ARFGEF3: variants seen among roughly 807,000 people sequenced by gnomAD.
ARFGEF3 encodes the protein brefeldin A-inhibited guanine nucleotide-exchange protein 3.
ARFGEF3 carries 96 observed loss-of-function variants against 221.7 expected under a neutral mutation model. The ratio of observed to expected loss-of-function variants is 0.43; its 90% CI spans 0.37 to 0.51. ARFGEF3 has a LOEUF of 0.51. ARFGEF3 is among the 20% of genes least tolerant of loss of function. The pLI is 0.00. For missense variants in ARFGEF3, 2,410 were observed against 2,789.9 expected, an observed-to-expected ratio of 0.86 and a Z score of 3.07; for synonymous variants, 1,145 against 1,126.8, an observed-to-expected ratio of 1.02 and a Z score of -0.32.
rs1263142764 is a variant in ARFGEF3, at chr6:138,292,057, C to T, written c.3368+4C>T. On this transcript the variant is annotated splice_donor_region_variant and intron_variant, in intron 19 of 33. Coordinates refer to ENST00000251691, the MANE Select transcript of ARFGEF3 (RefSeq NM_020340.5). ...CCCTCTCCACGCAAGCCGACAGGTG[C>T]GCGGCGCCGGCCTCCCACGCCCCGG... The T allele has an allele frequency of 2.1e-6, 3 of 1,417,046 alleles. No individual in the cohort carries two copies. Among genetic ancestry groups the T allele is most frequent in the Non-Finnish European group, 2.8e-6 (3 of 1,088,146 alleles). The allele number at this position is 1,417,046 out of a possible 1,614,324, so 87.8% of individuals were successfully genotyped here.
At chr6:138,168,286 A>G (rs1466457333) in intron 1 of ARFGEF3, among the ~76,000 whole-genome samples, 1 of 152,242 alleles carries the variant, frequency 6.6e-6, no homozygotes, top group Non-Finnish European at 1.5e-5. Context: ...GATAGGAGGT[A>G]CTTGGAATAA....
At position 138,263,077 on chromosome 6, in the gene ARFGEF3, C is replaced by T; in HGVS notation, c.1594C>T (p.His532Tyr). ...QTTPEDHSGN[H>Y]KNSLKSPAIP... Reference sequence around the variant, plus strand: ...TACACCCGAGGACCATTCGGGAAACCACAAGAACAGTCTCAAGTCGCCAGC... The same window carrying T: ...TACACCCGAGGACCATTCGGGAAACTACAAGAACAGTCTCAAGTCGCCAGC... The change falls in exon 12 of 34, where the codon CAC becomes TAC. Residue 532 changes from histidine (H) to tyrosine (Y), a missense_variant. This residue lies in a region of ARFGEF3 where 594 missense variants were observed against 734.3 expected (regional missense o/e 0.81). Coordinates refer to ENST00000251691, the MANE Select transcript of ARFGEF3 (RefSeq NM_020340.5). 1 of 1,613,736 alleles carries T rather than the reference C, an allele frequency of 6.2e-7. No homozygotes were observed. Among genetic ancestry groups the T allele is most frequent in the Non-Finnish European group, 8.5e-7 (1 of 1,179,780 alleles).
intron 2 of ARFGEF3, among the ~76,000 whole-genome samples, chr6:138,194,036 AGTGG>A (rs1179194435): frequency 6.6e-6 from 1 of 151,968 alleles, no homozygotes; most frequent in Admixed American, 6.6e-5. Context: ...TATTTTGGGA[AGTGG>A]GTGGATCACC....
At chr6:138,205,950 G>C (rs1777617830) in intron 2 of ARFGEF3, among the ~76,000 whole-genome samples, 1 of 152,220 alleles carries the variant, frequency 6.6e-6, no homozygotes, top group Non-Finnish European at 1.5e-5. Context: ...GGAGAAATCA[G>C]AGCTATAATT....
In ARFGEF3 at chr6:138,162,713, G is replaced by A. The variant is rs552163074; in HGVS notation, c.85+542G>A. 4.4e-4 allele frequency among the ~76,000 whole-genome samples: 67 copies of A among 152,304 alleles called. 2 individuals are homozygous for A. The highest frequency in any genetic ancestry group is 4.4e-5 in the Non-Finnish European group (3 of 68,034). ...ATGTTACCTCTGCAATTCTGTTGTG[G>A]TCTGCCCTTCAGACAGGTGGGATTT... On this transcript the variant is annotated intron_variant, in intron 1 of 33. Transcript: ENST00000251691. This position sits in a 1 kb window ranked among gnomAD's most constrained non-coding sequence, Gnocchi z 4.7.
intron 12 of ARFGEF3, among the ~76,000 whole-genome samples, chr6:138,269,621 C>A (rs1479821167): frequency 6.6e-6 from 1 of 151,996 alleles, no homozygotes; most frequent in African/African-American, 2.4e-5. Context: ...CCAGCCTGAC[C>A]AACATGGAGA....
chr6:138,324,230 C>G, intron 31 of ARFGEF3, 76 bp downstream of exon 31: 1 of 1,524,004 alleles, frequency 6.6e-7, no homozygotes, highest in Non-Finnish European at 8.9e-7. Context: ...TTGAAGGTCT[C>G]GCATCACCAA....
chr6:138,226,000 ATAGACAAAG>A (rs1396440216), intron 4 of ARFGEF3, among the ~76,000 whole-genome samples: 1 of 152,228 alleles, frequency 6.6e-6, no homozygotes, highest in East Asian at 1.9e-4. Context: ...GCTAGAGGAC[ATAGACAAAG>A]TCACACACCA....
Position 138,334,869 on chromosome 6 carries a change from A to G in ARFGEF3, c.6023A>G (p.Asn2008Ser). 6.3e-7 allele frequency: 1 copy of G among 1,592,270 alleles called. No homozygotes were observed. The highest frequency in any genetic ancestry group is 8.5e-7 in the Non-Finnish European group (1 of 1,170,188). ...AGCCGGAAGAAGGAGTGGTGGGAGAATGCGGGGAACAAAATCTACACCATG... is the reference window on the plus strand; with the variant it reads ...AGCCGGAAGAAGGAGTGGTGGGAGAGTGCGGGGAACAAAATCTACACCATG... The part of the protein sequence containing the change: ...DPSRKKEWWE[N>S]AGNKIYTMAA... The change falls in exon 33 of 34, where the codon AAT becomes AGT. Residue 2008 changes from asparagine (N) to serine (S), a missense_variant. By Grantham distance (46) the Asn-to-Ser change is conservative. Coordinates refer to ENST00000251691, the MANE Select transcript of ARFGEF3 (RefSeq NM_020340.5). The surrounding 1 kb of genome is among the most constrained non-coding windows in gnomAD (Gnocchi z 5.1).
chr6:138,295,121 T>C (rs1327177364), intron 20 of ARFGEF3, among the ~76,000 whole-genome samples: 1 of 152,090 alleles, frequency 6.6e-6, no homozygotes, highest in East Asian at 1.9e-4. Context: ...CAGTAGACTC[T>C]GAGCTTACAA....
At chr6:138,301,344 A>G (rs1237454644) in intron 22 of ARFGEF3, among the ~76,000 whole-genome samples, 2 of 152,226 alleles carry the variant, frequency 1.3e-5, no homozygotes, top group Non-Finnish European at 2.9e-5. Context: ...GACTTCCTTG[A>G]CAAAGACTGA....
chr6:138,203,755 C>T (rs896663964), intron 2 of ARFGEF3, among the ~76,000 whole-genome samples: 2 of 152,174 alleles, frequency 1.3e-5, no homozygotes, highest in African/African-American at 4.8e-5. Context: ...ATTCTCCTGC[C>T]TCAGCCTCTT....
chr6:138,286,295 A>T (rs1779288090), intron 15 of ARFGEF3, among the ~76,000 whole-genome samples: 1 of 152,022 alleles, frequency 6.6e-6, no homozygotes, highest in Admixed American at 6.6e-5. Flanking sequence ...CTAAAAATAC[A>T]AAAAATTAGC....
intron 8 of ARFGEF3, among the ~76,000 whole-genome samples, chr6:138,246,001 C>T (rs537400916): frequency 6.6e-6 from 1 of 152,290 alleles, no homozygotes; most frequent in African/African-American, 2.4e-5. Context: ...CAAATGACAG[C>T]GTTGGACTGT....
intron 12 of ARFGEF3, among the ~76,000 whole-genome samples, chr6:138,272,585 T>C (rs146981080): frequency 1.2e-3 from 180 of 152,378 alleles, no homozygotes; most frequent in Admixed American, 2.5e-3. Context: ...CCTGGTGTTA[T>C]CACAGATTAT....
chr6:138,213,714 G>A (rs997146116), intron 4 of ARFGEF3, among the ~76,000 whole-genome samples: 3 of 151,958 alleles, frequency 2.0e-5, no homozygotes, highest in Non-Finnish European at 4.4e-5. Context: ...GGAGATGATA[G>A]GAAACATACC....
chr6:138,253,694 T>G (rs1778620774), intron 8 of ARFGEF3, among the ~76,000 whole-genome samples, 186 bp from the exon 9 acceptor site: 1 of 152,252 alleles, frequency 6.6e-6, no homozygotes, highest in Non-Finnish European at 1.5e-5. Context: ...TCGGAGGTGC[T>G]GGAGATTAGG....
intron 4 of ARFGEF3, among the ~76,000 whole-genome samples, chr6:138,221,377 G>T (rs956117982): frequency 1.3e-5 from 2 of 152,138 alleles, no homozygotes; most frequent in African/African-American, 2.4e-5. Flanking sequence ...GAAATGTTTA[G>T]CTGTTTACCA....
intron 2 of ARFGEF3, among the ~76,000 whole-genome samples, chr6:138,184,381 T>G (rs77331454): frequency 0.016 from 2,405 of 152,202 alleles, 33 homozygotes; most frequent in Middle Eastern, 0.058. Context: ...ACAAATGAAT[T>G]AACATTCACA....
Sources: allele counts gnomAD v4.1 joint callset (sites outside exome capture counted in the v4.1 genomes callset), GRCh38; gene constraint gnomAD v4.1.1; regional missense constraint gnomAD v4.1.1; non-coding constraint Gnocchi (gnomAD v3.1); transcripts MANE v1.5; gene names NCBI Gene and HGNC (gene_info 2026-07-23, HGNC 2026-07-21).